Variants in UBA3 observed in about 807,000 individuals in gnomAD.
The protein encoded by UBA3 is ubiquitin like modifier activating enzyme 3.
Under a neutral mutation model 73.5 loss-of-function variants are expected in UBA3, and 26 were observed. The observed-to-expected ratio is 0.35, with a 90% CI of 0.26 to 0.49. The LOEUF is 0.49. Among genes scored for constraint, UBA3 ranks in the 20% least tolerant of loss-of-function variants. The pLI, the probability that UBA3 is intolerant of heterozygous loss-of-function variation, is 0.98. For synonymous variants in UBA3, 217 were observed against 191.2 expected (o/e 1.13, Z -1.11); for missense variants, 495 against 555.6 (o/e 0.89, Z 1.10).
At chr3:69,058,182 G>A (rs1462418883) in intron 11 of UBA3, among the ~76,000 whole-genome samples, 1 of 151,942 alleles carries the variant, frequency 6.6e-6, no homozygotes, top group Non-Finnish European at 1.5e-5. Context: ...CGCCCGCCCT[G>A]GCCTCCCAAA....
At chr3:69,060,056 A>C (rs2092009274) in intron 11 of UBA3, among the ~76,000 whole-genome samples, 1 of 152,216 alleles carries the variant, frequency 6.6e-6, no homozygotes, top group South Asian at 2.1e-4. Context: ...AGAATGAGAT[A>C]AACCTAAAAG....
At position 69,071,614 on chromosome 3, in the gene UBA3, A is replaced by T; in HGVS notation, c.268T>A (p.Leu90Met). Reference sequence around the variant, plus strand: ...ACATGAATCTGTCTAAAACCAGACAAGGCCTGTGGGAATAAAAACAATCCA... The same window carrying T: ...ACATGAATCTGTCTAAAACCAGACATGGCCTGTGGGAATAAAAACAATCCA... ...LGCELLKNLA[L>M]SGFRQIHVID... Residue 90 changes from leucine to methionine, a missense_variant, in exon 5 of 18, where the codon TTG becomes ATG. Transcript: ENST00000361055. 1 of 1,539,838 alleles carries T rather than the reference A, an allele frequency of 6.5e-7. No individual in the cohort carries two copies. Among genetic ancestry groups the T allele is most frequent in the South Asian group, 1.3e-5 (1 of 79,148 alleles).
At position 69,068,020 on chromosome 3, in the gene UBA3, A is replaced by G; in HGVS notation, c.348-12T>C. On this transcript the variant is annotated splice_polypyrimidine_tract_variant and intron_variant, in intron 5 of 17. Transcript: ENST00000361055. ...CAATATCTTTAGGCCTACAGGAAAA[A>G]TATTTAAATTATAATTCATATTATA... The G allele has an allele frequency of 6.6e-7, 1 of 1,508,342 alleles. No individual in the cohort carries two copies. Among genetic ancestry groups the G allele is most frequent in the Non-Finnish European group, 9.0e-7 (1 of 1,114,186 alleles). 93.4% of individuals were successfully genotyped at this position (1,508,342 alleles called of 1,614,324 possible). A position where few individuals can be genotyped will look rare whatever the true frequency, so the allele number is the denominator to read the frequency against.
chr3:69,080,358 TTC>T lies in UBA3; in HGVS notation c.-7_-6del, dbSNP rs751164969. ...CGGCTCCTCGCCATCCGCCATATTG[TTC>T]TCCGCCTCTTCCCAGGTGCCCACGC... On this transcript the variant is annotated 5_prime_UTR_variant, in exon 1 of 18. Coordinates refer to ENST00000361055, the MANE Select transcript of UBA3 (RefSeq NM_003968.4). 6.2e-7 allele frequency: 1 copy of T among 1,600,268 alleles called. No homozygotes were observed. Among genetic ancestry groups the T allele is most frequent in the Admixed American group, 1.7e-5 (1 of 59,042 alleles).
chr3:69,058,926 G>A (rs890547728), intron 11 of UBA3, among the ~76,000 whole-genome samples: 1 of 152,290 alleles, frequency 6.6e-6, no homozygotes, highest in African/African-American at 2.4e-5. Flanking sequence ...CTGGTAAAAG[G>A]TAAAGAAGGA....
intron 14 of UBA3, 82 bp from the exon 15 acceptor site, chr3:69,056,365 G>A (rs902084116): frequency 1.3e-5 from 16 of 1,205,506 alleles, no homozygotes; most frequent in Non-Finnish European, 1.8e-5. Flanking sequence ...TAAAAATCAG[G>A]TTGTTTTATA....
At chr3:69,068,867 G>A (rs565484409) in intron 5 of UBA3, among the ~76,000 whole-genome samples, 13 of 152,140 alleles carry the variant, frequency 8.5e-5, no homozygotes, top group African/African-American at 2.4e-4. Flanking sequence ...CACCATGCCC[G>A]GCACCAAGTT....
At chr3:69,079,596 A>C (rs2107504448) in intron 2 of UBA3, 1 of 153,406 alleles carries the variant, frequency 6.5e-6, no homozygotes. Flanking sequence ...GTTTGAAGTC[A>C]ACAACCTCTT....
At position 69,061,934 on chromosome 3, in the gene UBA3, A is replaced by T. The variant is rs2092025239; in HGVS notation, c.797-7T>A. 17 of 745,344 alleles carry T rather than the reference A, an allele frequency of 2.3e-5. No homozygotes were observed. Among genetic ancestry groups the T allele is most frequent in the South Asian group, 6.5e-5 (2 of 30,834 alleles). 46.2% of individuals were successfully genotyped at this position (745,344 alleles called of 1,614,324 possible). A position where few individuals can be genotyped will look rare whatever the true frequency, so the allele number is the denominator to read the frequency against. ...CCATCTAATGGAACCCCTTCTGTTT[A>T]AAAAAAAAAAGGGAGAGAGAGAGAG... On this transcript the variant is annotated splice_polypyrimidine_tract_variant and splice_region_variant and intron_variant, in intron 10 of 17. Coordinates refer to ENST00000361055, the MANE Select transcript of UBA3 (RefSeq NM_003968.4).
At chr3:69,061,753 T>G in intron 11 of UBA3, 61 bp downstream of exon 11, 1 of 1,107,908 alleles carries the variant, frequency 9.0e-7, no homozygotes, top group Middle Eastern at 2.1e-4. Flanking sequence ...ATTATTCTCC[T>G]GAAAGCATCC....
At chr3:69,057,112 A>C (rs1029806394) in intron 12 of UBA3, 144 bp downstream of exon 12, 1 of 915,404 alleles carries the variant, frequency 1.1e-6, no homozygotes, top group African/African-American at 1.7e-5. Flanking sequence ...AAATATGCAA[A>C]GTCTAATAAC....
Position 69,063,089 on chromosome 3 carries a change from C to A in UBA3, c.586G>T (p.Val196Phe). ...EDGVLDPSSI[V>F]PLIDGGTEGF... ...TCTGTCCCCCCATCTATCAAAGGGA[C>A]AATGGAGCTTGGATCTAAGACACCA... is the stretch of plus-strand genomic sequence containing the variant. Residue 196 changes from valine (V) to phenylalanine (F), a missense_variant, in exon 9 of 18, where the codon GTC (valine) becomes TTC (phenylalanine). By Grantham distance (50) the Val-to-Phe change is conservative (BLOSUM62 -1). Coordinates refer to ENST00000361055, the MANE Select transcript of UBA3 (RefSeq NM_003968.4). The A allele has an allele frequency of 6.2e-7, 1 of 1,613,972 alleles. No homozygotes were observed. The highest frequency in any genetic ancestry group is 8.5e-7 in the Non-Finnish European group (1 of 1,179,950).
intron 5 of UBA3, among the ~76,000 whole-genome samples, chr3:69,070,764 T>G (rs1393041094): frequency 6.6e-6 from 1 of 152,074 alleles, no homozygotes; most frequent in Non-Finnish European, 1.5e-5. Flanking sequence ...ACGATCCTCC[T>G]ACCTCAGCTT....
At chr3:69,067,843 A>C in intron 6 of UBA3, 85 bp downstream of exon 6, 1 of 998,114 alleles carries the variant, frequency 1.0e-6, no homozygotes, top group South Asian at 1.6e-5. Flanking sequence ...CCTCTTGCTT[A>C]TCTGTATTCT....
intron 6 of UBA3, among the ~76,000 whole-genome samples, chr3:69,067,072 T>C (rs1465220245): frequency 1.3e-5 from 2 of 152,226 alleles, no homozygotes; most frequent in African/African-American, 4.8e-5. Flanking sequence ...TGCTTTTCTA[T>C]ATAAAATTTT....
intron 2 of UBA3, among the ~76,000 whole-genome samples, chr3:69,078,810 G>T (rs2092192889): frequency 6.6e-6 from 1 of 152,108 alleles, no homozygotes; most frequent in Non-Finnish European, 1.5e-5. Flanking sequence ...TAATGCTGTG[G>T]GACGGCTTTT....
At position 69,080,357 on chromosome 3, in the gene UBA3, G is replaced by A. The variant is rs1340644781; in HGVS notation, c.-4C>T. On this transcript the variant is annotated 5_prime_UTR_variant, in exon 1 of 18. Transcript: ENST00000361055. The stretch of plus-strand genomic sequence containing the variant: ...ACGGCTCCTCGCCATCCGCCATATT[G>A]TTCTCCGCCTCTTCCCAGGTGCCCA... The A allele has an allele frequency of 2.5e-6, 4 of 1,599,878 alleles. No individual in the cohort carries two copies. The highest frequency in any genetic ancestry group is 1.3e-5 in the African/African-American group (1 of 74,414).
chr3:69,079,921 G>T, intron 2 of UBA3, 191 bp downstream of exon 2: 1 of 553,406 alleles, frequency 1.8e-6, no homozygotes, highest in Non-Finnish European at 3.1e-6. Flanking sequence ...CGCCCGCACC[G>T]GGCAGATACC....
rs1361833119 is a variant in UBA3 at position 69,055,041 on chromosome 3, GTAATGT to G, written c.*390_*395del. 1 of 154,322 alleles carries G rather than the reference GTAATGT, an allele frequency of 6.5e-6. No individual in the cohort carries two copies. Among genetic ancestry groups the G allele is most frequent in the Non-Finnish European group, 1.4e-5 (1 of 69,530 alleles). The allele number at this position is 154,322 out of a possible 1,614,324, so 9.6% of individuals were successfully genotyped here. A position where few individuals can be genotyped will look rare whatever the true frequency, so the allele number is the denominator to read the frequency against. On this transcript the variant is annotated 3_prime_UTR_variant, in exon 18 of 18. Transcript: ENST00000361055. ...TACTCCAGATGTCAGATTGTAAAAT[GTAATGT>G]TATTTAAAACTTAATTCTTTATTTT...
Sources: gnomAD v4.1 joint callset for allele counts (sites outside exome capture counted in the v4.1 genomes callset) on GRCh38, gnomAD v4.1.1 for gene constraint, MANE v1.5 for transcripts, NCBI Gene and HGNC (gene_info 2026-07-23, HGNC 2026-07-21) for gene names.